The following MID1 variants were observed in gnomAD, a reference collection of about 807,000 sequenced individuals.
MID1 encodes the protein midline 1, also known as E3 ubiquitin-protein ligase Midline-1.
In MID1, 7 loss-of-function variants were observed where a neutral mutation model predicts 40.4. The observed-to-expected ratio is 0.17, with a 90% CI of 0.10 to 0.33. MID1 has a LOEUF of 0.33. Among genes scored for constraint, MID1 ranks in the 10% least tolerant of loss-of-function variants. The probability of loss-of-function intolerance (pLI) is 1.00; values close to 1 mark genes in which losing one functional copy is unlikely to be tolerated. For synonymous variants in MID1, 229 were observed against 221.2 expected (o/e 1.04, Z -0.31); for missense variants, 367 against 558.5 (o/e 0.66, Z 3.46).
chrX:10,649,476 A>T (rs1192346250), intron 1 of MID1, among the ~76,000 whole-genome samples: 1 of 112,080 alleles, frequency 8.9e-6, no homozygotes. Context: ...GAGCAAGCAA[A>T]ATGTGTGTGC....
intron 1 of MID1, among the ~76,000 whole-genome samples, chrX:10,781,127 C>A (rs1244231221): frequency 8.9e-6 from 1 of 112,028 alleles, no homozygotes; most frequent in Non-Finnish European, 1.9e-5. Flanking sequence ...GAGAATCAAG[C>A]TTTTGCCTGA....
At chrX:10,650,205 A>C (rs1936302452) in intron 1 of MID1, among the ~76,000 whole-genome samples, 1 of 111,537 alleles carries the variant, frequency 9.0e-6, no homozygotes, top group South Asian at 3.8e-4. Context: ...ACCTTGGAGC[A>C]CAAGGAACTT....
intron 1 of MID1, among the ~76,000 whole-genome samples, chrX:10,739,342 A>G (rs766745597): frequency 4.3e-4 from 48 of 111,941 alleles, no homozygotes; most frequent in African/African-American, 1.6e-3. Context: ...GTAAGTAAGA[A>G]GTGAGAACAA....
chrX:10,761,585 G>A (rs2043678289), intron 1 of MID1, among the ~76,000 whole-genome samples: 1 of 111,890 alleles, frequency 8.9e-6, no homozygotes, highest in African/African-American at 3.2e-5. Context: ...GCTTCAAGAG[G>A]TCTTATGTGT....
At position 10,773,629 on chromosome X, in the gene MID1, G is replaced by GTTACA. The variant is rs776697504; in HGVS notation, c.-187+59920_-187+59924dup. Among the ~76,000 whole-genome samples, 38 of 111,720 alleles carry GTTACA rather than the reference G, an allele frequency of 3.4e-4. 1 individual carries two copies. In the South Asian group the frequency reaches 0.013, roughly 38 times the overall value. On this transcript the variant is annotated intron_variant, in intron 1 of 10. Coordinates refer to the MID1 transcript ENST00000380785. ...ACCTAAGTACTAGATTTTTCCCCTG[G>GTTACA]TTACATTTTATCTTGTTTTGTAAAT...
chrX:10,571,776 C>T (rs955581673), intron 1 of MID1, among the ~76,000 whole-genome samples: 1 of 109,870 alleles, frequency 9.1e-6, no homozygotes, highest in Non-Finnish European at 1.9e-5. Flanking sequence ...AAAAAATTAG[C>T]CAGGAGTGGT....
intron 1 of MID1, among the ~76,000 whole-genome samples, chrX:10,704,753 C>G (rs925162765): frequency 1.0e-5 from 1 of 98,693 alleles, no homozygotes; most frequent in Non-Finnish European, 2.0e-5. Context: ...CACACACACA[C>G]ACACACACAC....
At chrX:10,829,508 TA>T (rs1442960129) in intron 1 of MID1, among the ~76,000 whole-genome samples, 3 of 112,138 alleles carry the variant, frequency 2.7e-5, no homozygotes, top group Non-Finnish European at 5.6e-5. Flanking sequence ...AATCCATTTT[TA>T]TTTTCTTTTA....
intron 1 of MID1, among the ~76,000 whole-genome samples, chrX:10,785,698 C>G (rs1358772799): frequency 4.5e-5 from 5 of 111,099 alleles, no homozygotes; most frequent in Non-Finnish European, 7.5e-5. Context: ...ACAAACCTGA[C>G]AAAAACAAGA....
chrX:10,679,817 A>G (rs2043047418), intron 1 of MID1, among the ~76,000 whole-genome samples: 1 of 112,024 alleles, frequency 8.9e-6, no homozygotes, highest in Non-Finnish European at 1.9e-5. Context: ...TTCTTCACCT[A>G]CAAAGTGATG....
At chrX:10,707,682 C>T (rs907752803) in intron 1 of MID1, among the ~76,000 whole-genome samples, 5 of 112,004 alleles carry the variant, frequency 4.5e-5, no homozygotes, top group African/African-American at 6.5e-5. Flanking sequence ...TTTATAGCTC[C>T]GTTATGAATA....
Position 10,448,992 on chromosome X carries a change from A to G in MID1, c.*376T>C. 1 of 158,813 alleles carries G rather than the reference A, an allele frequency of 6.3e-6. No homozygotes were observed. Among genetic ancestry groups the G allele is most frequent in the East Asian group, 1.5e-4 (1 of 6,710 alleles). 13.1% of individuals were successfully genotyped at this position (158,813 alleles called of 1,213,427 possible). A position where few individuals can be genotyped will look rare whatever the true frequency, so the allele number is the denominator to read the frequency against. ...AAGAAGATGAGTAACATACAAAACT[A>G]CAAAAGTTTTTGTTTTTTTGTAAGC... On this transcript the variant is annotated 3_prime_UTR_variant, in exon 10 of 10. Coordinates refer to ENST00000317552, the MANE Select transcript of MID1 (RefSeq NM_000381.4).
At chrX:10,801,362 C>T (rs2044006141) in intron 1 of MID1, among the ~76,000 whole-genome samples, 1 of 111,581 alleles carries the variant, frequency 9.0e-6, no homozygotes, top group Non-Finnish European at 1.9e-5. Flanking sequence ...AAACAAAATA[C>T]AGAGATTTAT....
chrX:10,752,071 T>C (rs945665931), intron 1 of MID1, among the ~76,000 whole-genome samples: 3 of 111,632 alleles, frequency 2.7e-5, no homozygotes, highest in African/African-American at 9.8e-5. Context: ...TGGAAGCAGA[T>C]GCTGGCACCA....
At chrX:10,521,300 C>T (rs1355029747) in intron 3 of MID1, among the ~76,000 whole-genome samples, 4 of 110,343 alleles carry the variant, frequency 3.6e-5, no homozygotes, top group Admixed American at 9.6e-5. Context: ...GAGATTGGGG[C>T]GGGGACATCT....
intron 1 of MID1, among the ~76,000 whole-genome samples, chrX:10,792,443 A>G (rs2043938608): frequency 8.9e-6 from 1 of 112,239 alleles, no homozygotes. Flanking sequence ...AAATCAATAA[A>G]CTCTGACTGA....
chrX:10,642,731 G>T (rs1224371292), intron 1 of MID1, among the ~76,000 whole-genome samples: 1 of 110,294 alleles, frequency 9.1e-6, no homozygotes, highest in Admixed American at 9.6e-5. Flanking sequence ...AAAGAACAAA[G>T]CTGGAGGCAT....
At chrX:10,752,642 T>C (rs1010816489) in intron 1 of MID1, among the ~76,000 whole-genome samples, 2 of 111,339 alleles carry the variant, frequency 1.8e-5, no homozygotes, top group Non-Finnish European at 3.8e-5. Flanking sequence ...GGCCTCCTTA[T>C]TTTCCAGATT....
At position 10,682,515 on chromosome X, in the gene MID1, C is replaced by A. The variant is rs753795482; in HGVS notation, c.-186-62096G>T. Among the ~76,000 whole-genome samples, 21 of 110,862 alleles carry A rather than the reference C, an allele frequency of 1.9e-4. No individual in the cohort carries two copies. In the East Asian group the frequency reaches 5.9e-3, roughly 31 times the overall value. On this transcript the variant is annotated intron_variant, in intron 1 of 10. Transcript: ENST00000380785. ...AAAATTTTATTTTTCATTTGTGTAA[C>A]ACAAGAGCACCAGCAACATAAAATG...
Sources: allele counts gnomAD v4.1 joint callset (sites outside exome capture counted in the v4.1 genomes callset), GRCh38; gene constraint gnomAD v4.1.1; transcripts MANE v1.5; gene names NCBI Gene and HGNC (gene_info 2026-07-23, HGNC 2026-07-21).